ERMP1: variants seen among roughly 807,000 people sequenced by gnomAD.
ERMP1 encodes the protein endoplasmic reticulum metallopeptidase 1.
Under a neutral mutation model 92.0 loss-of-function variants are expected in ERMP1, and 86 were observed. That is an observed-to-expected ratio of 0.93 (90% CI 0.79 to 1.12). The LOEUF is 1.12. Among genes scored for constraint, ERMP1 ranks in the 50% most tolerant of loss-of-function variants. ERMP1 has a pLI of 0.00. For synonymous variants in ERMP1, 530 were observed against 412.8 expected (o/e 1.28, Z -3.44); for missense variants, 1,342 against 1,116.3 (o/e 1.20, Z -2.88).
intron 10 of ERMP1, among the ~76,000 whole-genome samples, chr9:5,802,049 A>G (rs1828693841): frequency 6.6e-6 from 1 of 152,228 alleles, no homozygotes; most frequent in Non-Finnish European, 1.5e-5. Flanking sequence ...CAGGGTCTGA[A>G]GAAGCCATTT....
chr9:5,803,196 C>G (rs1189589015), intron 10 of ERMP1, among the ~76,000 whole-genome samples: 1 of 152,172 alleles, frequency 6.6e-6, no homozygotes, highest in African/African-American at 2.4e-5. Context: ...AACAGTCTTA[C>G]TCTATTAATA....
chr9:5,791,187 G>C (rs139627159), intron 13 of ERMP1: 80 of 456,478 alleles, frequency 1.8e-4, no homozygotes, highest in African/African-American at 1.4e-3. Flanking sequence ...GAAAGAGAGA[G>C]AGAGACAGAG....
upstream of ERMP1, among the ~76,000 whole-genome samples, chr9:5,835,504 G>A (rs1454591864): frequency 1.3e-5 from 2 of 152,230 alleles, no homozygotes; most frequent in African/African-American, 4.8e-5. Context: ...GACATTTGAG[G>A]TGACCTGAAT....
At chr9:5,796,348 G>A (rs1316071850) in intron 13 of ERMP1, among the ~76,000 whole-genome samples, 2 of 152,188 alleles carry the variant, frequency 1.3e-5, no homozygotes, top group Non-Finnish European at 2.9e-5. Flanking sequence ...CAAAAGAACA[G>A]AGAAATCAGT....
intron 4 of ERMP1, among the ~76,000 whole-genome samples, chr9:5,820,963 G>T (rs1388407557): frequency 6.6e-6 from 1 of 152,168 alleles, no homozygotes; most frequent in Non-Finnish European, 1.5e-5. Context: ...AAAGCTTTCA[G>T]GTATGGAGTT....
intron 6 of ERMP1, among the ~76,000 whole-genome samples, chr9:5,847,671 G>A (rs551261827): frequency 4.9e-4 from 75 of 152,150 alleles, no homozygotes; most frequent in Middle Eastern, 6.8e-3. Context: ...CAAGGCGGGC[G>A]GATCATGAGG....
At chr9:5,831,065 T>C (rs374191703) in intron 1 of ERMP1, 37 bp from the exon 2 acceptor site, 129 of 1,557,396 alleles carry the variant, frequency 8.3e-5, no homozygotes, top group Admixed American at 2.5e-4. Flanking sequence ...GGTTTGTAGT[T>C]AAAATTGACA....
chr9:5,821,247 T>C (rs986919766), intron 4 of ERMP1, among the ~76,000 whole-genome samples: 6 of 152,236 alleles, frequency 3.9e-5, no homozygotes, highest in Admixed American at 6.5e-5. Context: ...TTAATGACAA[T>C]CAATTCTGGT....
intron 6 of ERMP1, among the ~76,000 whole-genome samples, chr9:5,843,729 C>T (rs1238642128): frequency 4.6e-5 from 7 of 151,842 alleles, no homozygotes; most frequent in Admixed American, 4.0e-4. Context: ...GATGCAGAGC[C>T]GAAGATCTCT....
At chr9:5,816,019 T>A (rs1829291030) in intron 4 of ERMP1, among the ~76,000 whole-genome samples, 1 of 152,134 alleles carries the variant, frequency 6.6e-6, no homozygotes, top group African/African-American at 2.4e-5. Flanking sequence ...AAACTATCAT[T>A]AATTATCTTA....
chr9:5,832,915 G>C lies in ERMP1; in HGVS notation c.113C>G (p.Pro38Arg). Reference protein sequence around the residue: ...PPEREARAQEPLVDGCSGGGR... With the variant: ...PPEREARAQERLVDGCSGGGR... ...GCCGCCGCTGCACCCATCCACCAGA[G>C]GCTCCTGCGCTCGGGCCTCCCTCTC... Residue 38 changes from proline to arginine, a missense_variant, in exon 1 of 15, where the codon CCT becomes CGT. Physicochemically the swap from Pro to Arg is moderately radical, Grantham distance 103. Transcript: ENST00000339450. 1 of 1,561,850 alleles carries C rather than the reference G, an allele frequency of 6.4e-7. No homozygotes were observed. The highest frequency in any genetic ancestry group is 1.2e-5 in the South Asian group (1 of 85,852).
intron 6 of ERMP1, among the ~76,000 whole-genome samples, chr9:5,849,934 C>T (rs1249650046): frequency 6.6e-6 from 1 of 152,148 alleles, no homozygotes; most frequent in African/African-American, 2.4e-5. Context: ...CAAGCAGACT[C>T]GAAATTAATG....
At chr9:5,825,337 A>G (rs1829692295) in intron 2 of ERMP1, 118 bp from the exon 3 acceptor site, 1 of 945,106 alleles carries the variant, frequency 1.1e-6, no homozygotes, top group African/African-American at 1.7e-5. Context: ...GCATGACCAG[A>G]AGCATAGCTC....
upstream of ERMP1, among the ~76,000 whole-genome samples, chr9:5,835,599 A>G (rs372289719): frequency 6.6e-6 from 1 of 152,202 alleles, no homozygotes; most frequent in Non-Finnish European, 1.5e-5. Flanking sequence ...GGCAACGTCG[A>G]ATAAGGCATG....
chr9:5,851,306 T>C (rs1373816671), intron 6 of ERMP1, among the ~76,000 whole-genome samples: 1 of 152,258 alleles, frequency 6.6e-6, no homozygotes, highest in African/African-American at 2.4e-5. Flanking sequence ...ATAGCTTTTC[T>C]TTCATTTGTT....
chr9:5,798,814 A>C lies in ERMP1; in HGVS notation c.2262T>G (p.Phe754Leu), dbSNP rs753822433. The C allele has an allele frequency of 6.2e-7, 1 of 1,612,372 alleles. No individual in the cohort carries two copies. Among genetic ancestry groups the C allele is most frequent in the Non-Finnish European group, 8.5e-7 (1 of 1,178,466 alleles). The change falls in exon 12 of 15, where the codon TTT (phenylalanine) becomes TTG (leucine). Residue 754 changes from phenylalanine (F) to leucine (L), a missense_variant. Phe to Leu is a conservative substitution (Grantham distance 22). Transcript: ENST00000339450. ...AAAAATAATGAACCAACCTGATCAGAAAGTGCACTGGAAGATACCAAGGAA... is the reference window on the plus strand; with the variant it reads ...AAAAATAATGAACCAACCTGATCAGCAAGTGCACTGGAAGATACCAAGGAA... ...CGFPWYLPVHFLIRKNWYLPA... is the reference protein window; with the variant it reads ...CGFPWYLPVHLLIRKNWYLPA...
At chr9:5,831,313 G>A (rs969206538) in intron 1 of ERMP1, among the ~76,000 whole-genome samples, 3 of 152,116 alleles carry the variant, frequency 2.0e-5, no homozygotes, top group African/African-American at 7.2e-5. Flanking sequence ...TATTCAAAAC[G>A]TGTGACCACT....
intron 6 of ERMP1, among the ~76,000 whole-genome samples, chr9:5,846,676 C>T (rs1830238359): frequency 1.3e-5 from 2 of 152,202 alleles, no homozygotes; most frequent in Non-Finnish European, 2.9e-5. Flanking sequence ...ATATTTATTT[C>T]ATCATGCTTC....
chr9:5,808,536 G>T (rs960388530), intron 8 of ERMP1, among the ~76,000 whole-genome samples: 1 of 152,118 alleles, frequency 6.6e-6, no homozygotes, highest in Non-Finnish European at 1.5e-5. Flanking sequence ...CCAAAGTTCA[G>T]ATACCAAAGA....
Sources: allele counts gnomAD v4.1 joint callset (sites outside exome capture counted in the v4.1 genomes callset), GRCh38; gene constraint gnomAD v4.1.1; transcripts MANE v1.5; gene names NCBI Gene and HGNC (gene_info 2026-07-23, HGNC 2026-07-21).